Variants in ASTN2 observed in about 807,000 individuals in gnomAD.
ASTN2 encodes the protein astrotactin 2, also known as astrotactin-2.
In ASTN2, 54 loss-of-function variants were observed where a neutral mutation model predicts 139.8. The ratio of observed to expected loss-of-function variants is 0.39; its 90% CI spans 0.31 to 0.48. The LOEUF is 0.48. ASTN2 is among the 20% of genes least tolerant of loss of function. The pLI, the probability that ASTN2 is intolerant of heterozygous loss-of-function variation, is 0.95. For missense variants in ASTN2, 1,565 were observed against 1,725.1 expected (o/e 0.91, Z 1.64); for synonymous variants, 756 against 719.5 (o/e 1.05, Z -0.81).
At chr9:116,519,748 T>TA (rs1267369970) in intron 19 of ASTN2, among the ~76,000 whole-genome samples, 1 of 152,024 alleles carries the variant, frequency 6.6e-6, no homozygotes, top group Non-Finnish European at 1.5e-5. Flanking sequence ...ATAAAATTGA[T>TA]AGACTATTAG....
At chr9:116,803,586 G>A (rs1039575318) in intron 13 of ASTN2, among the ~76,000 whole-genome samples, 11 of 142,818 alleles carry the variant, frequency 7.7e-5, no homozygotes, top group South Asian at 2.2e-4. Flanking sequence ...GTGCAGTGGC[G>A]TAATCTCAGC....
chr9:117,115,235 C>T (rs1027812148), intron 4 of ASTN2, among the ~76,000 whole-genome samples: 6 of 152,088 alleles, frequency 3.9e-5, no homozygotes, highest in East Asian at 1.9e-4. Context: ...TATTCTAGGC[C>T]GGGCAATGTG....
At chr9:116,501,751 T>C (rs2119139451) in intron 19 of ASTN2, among the ~76,000 whole-genome samples, 1 of 152,064 alleles carries the variant, frequency 6.6e-6, no homozygotes, top group African/African-American at 2.4e-5. Context: ...TACCTAATGC[T>C]AGATGATGAG....
chr9:116,469,933 G>A (rs1418125196), intron 20 of ASTN2, among the ~76,000 whole-genome samples: 2 of 152,154 alleles, frequency 1.3e-5, no homozygotes, highest in African/African-American at 2.4e-5. Flanking sequence ...GGCTGGGCAC[G>A]GTGGCTCACG....
At chr9:116,686,481 G>A (rs1224245322) in intron 16 of ASTN2, among the ~76,000 whole-genome samples, 19 of 152,178 alleles carry the variant, frequency 1.2e-4, no homozygotes. Context: ...GTGCTCCTAA[G>A]CTGTACAGTA....
intron 2 of ASTN2, among the ~76,000 whole-genome samples, chr9:117,288,590 C>A (rs1025193040): frequency 6.6e-6 from 1 of 152,172 alleles, no homozygotes; most frequent in Admixed American, 6.5e-5. Flanking sequence ...TTTGTTAGCC[C>A]AGGAGACTTA....
chr9:117,332,352 C>T (rs1564150926), intron 1 of ASTN2, among the ~76,000 whole-genome samples: 1 of 152,138 alleles, frequency 6.6e-6, no homozygotes, highest in Non-Finnish European at 1.5e-5. Context: ...GAGTGGATCA[C>T]TTGAGGTCAG....
intron 10 of ASTN2, among the ~76,000 whole-genome samples, chr9:116,957,563 C>T (rs1350835507): frequency 6.6e-6 from 1 of 152,230 alleles, no homozygotes; most frequent in Non-Finnish European, 1.5e-5. Flanking sequence ...AGCTTTCAGC[C>T]TGCTTTGCTT....
chr9:116,734,474 T>G (rs934490836), intron 13 of ASTN2, among the ~76,000 whole-genome samples: 2 of 152,056 alleles, frequency 1.3e-5, no homozygotes, highest in South Asian at 2.1e-4. Flanking sequence ...TTGGCACGGA[T>G]GGTATCGAGG....
At chr9:117,051,857 G>A (rs1838920306) in intron 5 of ASTN2, among the ~76,000 whole-genome samples, 5 of 152,078 alleles carry the variant, frequency 3.3e-5, no homozygotes, top group Admixed American at 3.3e-4. Context: ...CCATGACAAT[G>A]TTCACCATTT....
At chr9:116,493,571 A>G (rs986403869) in intron 19 of ASTN2, among the ~76,000 whole-genome samples, 1 of 151,814 alleles carries the variant, frequency 6.6e-6, no homozygotes, top group African/African-American at 2.4e-5. Context: ...GCATGGATCA[A>G]TTTTTCTAGA....
At chr9:116,949,145 A>C (rs1343735067) in intron 10 of ASTN2, among the ~76,000 whole-genome samples, 7 of 152,020 alleles carry the variant, frequency 4.6e-5, no homozygotes, top group Non-Finnish European at 8.8e-5. Context: ...ATATCCCGGC[A>C]AACTCTTAAT....
At chr9:117,124,036 G>A (rs911666250) in intron 4 of ASTN2, among the ~76,000 whole-genome samples, 9 of 152,114 alleles carry the variant, frequency 5.9e-5, no homozygotes, top group Non-Finnish European at 8.8e-5. Context: ...TAAGGAGACA[G>A]GATTTTGGAT....
At chr9:116,607,191 T>C (rs1448301296) in intron 19 of ASTN2, among the ~76,000 whole-genome samples, 1 of 152,210 alleles carries the variant, frequency 6.6e-6, no homozygotes, top group African/African-American at 2.4e-5. Context: ...AAGGAGTTAA[T>C]GCAGAGTCGA....
At chr9:117,391,399 G>A (rs1387825536) in intron 1 of ASTN2, among the ~76,000 whole-genome samples, 2 of 152,168 alleles carry the variant, frequency 1.3e-5, no homozygotes, top group Non-Finnish European at 2.9e-5. Context: ...CGGCAAGGAG[G>A]AGCAAGTCAC....
chr9:116,568,410 A>C (rs973486794), intron 19 of ASTN2: 1 of 152,190 alleles, frequency 6.6e-6, no homozygotes, highest in African/African-American at 2.4e-5. Flanking sequence ...AAGACCAAGA[A>C]AAGCGAGGGA....
intron 2 of ASTN2, among the ~76,000 whole-genome samples, chr9:117,224,050 CAG>C (rs1260054722): frequency 6.6e-6 from 1 of 152,162 alleles, no homozygotes; most frequent in African/African-American, 2.4e-5. Context: ...CAGATTAGAA[CAG>C]GGTCAAAATC....
At chr9:117,291,288 G>T (rs749754981) in intron 2 of ASTN2, 38 bp downstream of exon 2, 5 of 1,543,614 alleles carry the variant, frequency 3.2e-6, no homozygotes, top group Admixed American at 3.6e-5. Flanking sequence ...CCTCCCCCAC[G>T]CAATCCCCGA....
intron 15 of ASTN2, among the ~76,000 whole-genome samples, chr9:116,728,171 A>G (rs1471194494): frequency 6.6e-6 from 1 of 152,160 alleles, no homozygotes; most frequent in Non-Finnish European, 1.5e-5. Context: ...ATGAGCACCA[A>G]CAACGTGCTA....
Sources: allele counts gnomAD v4.1 joint callset (sites outside exome capture counted in the v4.1 genomes callset), GRCh38; gene constraint gnomAD v4.1.1; transcripts MANE v1.5; gene names NCBI Gene and HGNC (gene_info 2026-07-23, HGNC 2026-07-21).